Variants in MAF observed in about 807,000 individuals in gnomAD.
MAF encodes the protein MAF bZIP transcription factor.
MAF carries 10 observed loss-of-function variants against 22.0 expected under a neutral mutation model. The observed-to-expected ratio is 0.45, with a 90% CI of 0.28 to 0.77. The LOEUF is 0.77. MAF is among the 30% of genes least tolerant of loss of function. The probability of loss-of-function intolerance (pLI) is 0.12; values close to 1 mark genes in which losing one functional copy is unlikely to be tolerated. For synonymous variants in MAF, 337 were observed against 255.8 expected, an observed-to-expected ratio of 1.32 and a Z score of -3.03; for missense variants, 544 against 548.4, an observed-to-expected ratio of 0.99 and a Z score of 0.08.
chr16:79,220,533 G>A, the MAF span, among the ~76,000 whole-genome samples: 23 of 152,018 alleles, frequency 1.5e-4, no homozygotes, highest in East Asian at 1.5e-3. Flanking sequence ...TGTATCTAGC[G>A]AACAGATAGA....
the MAF span, among the ~76,000 whole-genome samples, chr16:79,221,420 G>C: frequency 6.6e-6 from 1 of 152,082 alleles, no homozygotes; most frequent in African/African-American, 2.4e-5. Flanking sequence ...TGTTCCCAAA[G>C]CATTCACAGC....
the MAF span, among the ~76,000 whole-genome samples, chr16:79,334,378 T>C: frequency 1.3e-5 from 2 of 152,144 alleles, no homozygotes; most frequent in African/African-American, 4.8e-5. Flanking sequence ...ATGTGCGCGC[T>C]GTGCAAGGCC....
chr16:79,399,690 A>T, the MAF span, among the ~76,000 whole-genome samples: 1 of 152,216 alleles, frequency 6.6e-6, no homozygotes, highest in Admixed American at 6.5e-5. Flanking sequence ...GCTAAGAAAC[A>T]TAACCGAGAT....
chr16:79,348,667 G>C, the MAF span, among the ~76,000 whole-genome samples: 9 of 152,302 alleles, frequency 5.9e-5, no homozygotes, highest in South Asian at 1.2e-3. Context: ...GCATGGCTTG[G>C]GCCCAGTGAC....
the MAF span, among the ~76,000 whole-genome samples, chr16:79,287,281 C>G: frequency 3.3e-5 from 5 of 152,208 alleles, no homozygotes; most frequent in African/African-American, 9.6e-5. Flanking sequence ...TAGACACCTG[C>G]CACGCTCCCA....
chr16:79,315,894 C>T, the MAF span, among the ~76,000 whole-genome samples: 24 of 152,304 alleles, frequency 1.6e-4, no homozygotes, highest in East Asian at 2.5e-3. Flanking sequence ...ATGCCTGGTG[C>T]TCCCATCAAT....
the MAF span, among the ~76,000 whole-genome samples, chr16:79,427,786 G>A: frequency 4.6e-5 from 7 of 152,166 alleles, no homozygotes; most frequent in Non-Finnish European, 8.8e-5. Flanking sequence ...TGCTCTGCTC[G>A]TTGGTATAGC....
chr16:79,555,962 C>T, the MAF span, among the ~76,000 whole-genome samples: 122 of 152,200 alleles, frequency 8.0e-4, no homozygotes, highest in Middle Eastern at 3.4e-3. Context: ...ACAGTAAAAT[C>T]ACTAGGAAGT....
the MAF span, among the ~76,000 whole-genome samples, chr16:79,446,354 C>A: frequency 1.3e-5 from 2 of 152,022 alleles, no homozygotes; most frequent in East Asian, 3.9e-4. Context: ...CTGAGATTGC[C>A]CCTGCCTTGC....
At chr16:79,587,247 C>A (rs1471151037) in intron 1 of MAF, among the ~76,000 whole-genome samples, 1 of 152,040 alleles carries the variant, frequency 6.6e-6, no homozygotes, top group Non-Finnish European at 1.5e-5. Context: ...AAACTACTCG[C>A]CTTTACGTAT....
the MAF span, among the ~76,000 whole-genome samples, chr16:79,401,869 G>T: frequency 6.6e-6 from 1 of 152,158 alleles, no homozygotes; most frequent in Non-Finnish European, 1.5e-5. Flanking sequence ...GTCATTGATG[G>T]TGGTTGGCTG....
the MAF span, among the ~76,000 whole-genome samples, chr16:79,368,197 G>A: frequency 1.2e-4 from 18 of 152,282 alleles, no homozygotes; most frequent in African/African-American, 2.2e-4. Context: ...AGTTTTCATC[G>A]CGTCTGGGAG....
At chr16:79,379,673 T>C in the MAF span, among the ~76,000 whole-genome samples, 1 of 152,200 alleles carries the variant, frequency 6.6e-6, no homozygotes, top group African/African-American at 2.4e-5. Flanking sequence ...TGAAACTAAG[T>C]CATTCCAGGG....
the MAF span, among the ~76,000 whole-genome samples, chr16:79,270,300 G>C: frequency 2.6e-5 from 4 of 152,084 alleles, no homozygotes; most frequent in African/African-American, 9.7e-5. Flanking sequence ...GCTGGCTTGA[G>C]ACAGTGGGTG....
At chr16:79,249,628 C>T in the MAF span, among the ~76,000 whole-genome samples, 1 of 152,086 alleles carries the variant, frequency 6.6e-6, no homozygotes, top group Non-Finnish European at 1.5e-5. Flanking sequence ...GTAATTTGTT[C>T]TAGCAGTCTG....
the MAF span, among the ~76,000 whole-genome samples, chr16:79,461,137 G>A: frequency 6.6e-6 from 1 of 152,152 alleles, no homozygotes; most frequent in Admixed American, 6.5e-5. Context: ...TAGAGCTTAT[G>A]TGTGTTTTGT....
the MAF span, among the ~76,000 whole-genome samples, chr16:79,454,120 G>C: frequency 2.0e-5 from 3 of 151,986 alleles, no homozygotes; most frequent in Admixed American, 6.6e-5. Flanking sequence ...TCTATGATTC[G>C]TTCCCATTTT....
chr16:79,444,633 G>A, the MAF span, among the ~76,000 whole-genome samples: 1 of 152,218 alleles, frequency 6.6e-6, no homozygotes, highest in African/African-American at 2.4e-5. Context: ...TTTAGCATCA[G>A]CATGTTTAGT....
the MAF span, among the ~76,000 whole-genome samples, chr16:79,309,012 A>C: frequency 6.6e-5 from 10 of 152,322 alleles, no homozygotes; most frequent in African/African-American, 2.2e-4. Flanking sequence ...AGCTGGAAAT[A>C]TTTAAATGCA....
Sources: gnomAD v4.1 joint callset for allele counts (sites outside exome capture counted in the v4.1 genomes callset) on GRCh38, gnomAD v4.1.1 for gene constraint, MANE v1.5 for transcripts, NCBI Gene and HGNC (gene_info 2026-07-23, HGNC 2026-07-21) for gene names.